Variants in CTNNA3 observed in about 807,000 individuals in gnomAD.
CTNNA3 encodes catenin alpha 3.
A neutral mutation model predicts 95.7 loss-of-function variants in CTNNA3; 76 were observed. The observed-to-expected ratio is 0.79, with a 90% CI of 0.66 to 0.96. The LOEUF is 0.96. Among genes scored for constraint, CTNNA3 ranks in the 40% least tolerant of loss-of-function variants. The probability of loss-of-function intolerance (pLI) is 0.00; values close to 1 mark genes in which losing one functional copy is unlikely to be tolerated. For synonymous variants in CTNNA3, 431 were observed against 374.4 expected, an observed-to-expected ratio of 1.15 and a Z score of -1.74; for missense variants, 1,191 against 1,089.8, an observed-to-expected ratio of 1.09 and a Z score of -1.31.
intron 7 of CTNNA3, among the ~76,000 whole-genome samples, chr10:66,953,044 AG>A (rs1848620317): frequency 6.6e-6 from 1 of 152,094 alleles, no homozygotes; most frequent in African/African-American, 2.4e-5. Context: ...AAGAAAACAG[AG>A]CCTACTGAGA....
intron 7 of CTNNA3, among the ~76,000 whole-genome samples, chr10:66,814,166 C>T (rs1236858298): frequency 1.3e-5 from 2 of 150,484 alleles, no homozygotes; most frequent in South Asian, 2.1e-4. Flanking sequence ...TATTGGGGCC[C>T]GGTATAGAAA....
At position 66,641,955 on chromosome 10, in the gene CTNNA3, G is replaced by T. The variant is rs191166537; in HGVS notation, c.1282-20171C>A. ...AATTATGAATACAACCATAAAAATG[G>T]CAATTCTAAGGTAAGGTTTGAGAAT... On this transcript the variant is annotated intron_variant, in intron 9 of 17. Coordinates refer to ENST00000433211, the MANE Select transcript of CTNNA3 (RefSeq NM_013266.4). 4.6e-5 allele frequency among the ~76,000 whole-genome samples: 7 copies of T among 152,182 alleles called. No individual in the cohort carries two copies. In the East Asian group the frequency reaches 1.2e-3, roughly 25 times the overall value.
intron 13 of CTNNA3, among the ~76,000 whole-genome samples, chr10:66,140,431 A>C (rs2083555374): frequency 6.6e-6 from 1 of 152,210 alleles, no homozygotes; most frequent in African/African-American, 2.4e-5. Flanking sequence ...AAAGTAGAGA[A>C]AAAATTTAGT....
intron 9 of CTNNA3, among the ~76,000 whole-genome samples, chr10:66,734,659 C>T (rs1319868996): frequency 2.6e-5 from 4 of 151,964 alleles, no homozygotes; most frequent in Admixed American, 6.6e-5. Context: ...GTCAGGAGTT[C>T]GAGACCAGCC....
chr10:66,412,519 G>A (rs1004088615), intron 11 of CTNNA3, among the ~76,000 whole-genome samples: 19 of 148,692 alleles, frequency 1.3e-4, no homozygotes, highest in Non-Finnish European at 2.5e-4. Flanking sequence ...GGAGTGCAGT[G>A]GCATGATCTC....
chr10:67,082,496 C>T (rs1292267278), intron 7 of CTNNA3, among the ~76,000 whole-genome samples: 1 of 152,138 alleles, frequency 6.6e-6, no homozygotes, highest in Non-Finnish European at 1.5e-5. Flanking sequence ...TACTTAAGGC[C>T]ATAATCTCTA....
At chr10:67,418,514 TAAA>T (rs71006149) in intron 5 of CTNNA3, among the ~76,000 whole-genome samples, 3 of 144,246 alleles carry the variant, frequency 2.1e-5, no homozygotes, top group Non-Finnish European at 4.5e-5. Context: ...TATTTCACTG[TAAA>T]AAAAAAAAAA....
intron 11 of CTNNA3, among the ~76,000 whole-genome samples, chr10:66,462,843 C>A (rs1183415698): frequency 6.6e-6 from 1 of 152,038 alleles, no homozygotes; most frequent in Non-Finnish European, 1.5e-5. Flanking sequence ...TTCACAGTAT[C>A]ATTATAAATT....
intron 5 of CTNNA3, among the ~76,000 whole-genome samples, chr10:67,426,352 TTC>T (rs750603566): frequency 2.0e-5 from 3 of 152,088 alleles, no homozygotes; most frequent in Non-Finnish European, 2.9e-5. Context: ...GGAAAACTAT[TTC>T]TGATTTCCAA....
intron 17 of CTNNA3, among the ~76,000 whole-genome samples, chr10:65,936,908 T>G (rs777829074): frequency 3.3e-5 from 5 of 151,982 alleles, no homozygotes; most frequent in African/African-American, 4.8e-5. Flanking sequence ...CACATACATA[T>G]ATTAAAAACA....
intron 7 of CTNNA3, among the ~76,000 whole-genome samples, chr10:67,069,947 G>A (rs1856344500): frequency 6.6e-6 from 1 of 152,056 alleles, no homozygotes; most frequent in Admixed American, 6.6e-5. Context: ...GAATTACTGG[G>A]TCATGGGATA....
chr10:67,100,204 C>T (rs1358847665), intron 7 of CTNNA3, among the ~76,000 whole-genome samples: 2 of 151,610 alleles, frequency 1.3e-5, no homozygotes, highest in African/African-American at 4.8e-5. Flanking sequence ...CACTTTCTTT[C>T]TTAAATATTT....
intron 14 of CTNNA3, among the ~76,000 whole-genome samples, chr10:66,082,033 G>A (rs1222721384): frequency 2.0e-5 from 3 of 152,090 alleles, no homozygotes; most frequent in South Asian, 2.1e-4. Flanking sequence ...CAGGAGAATC[G>A]CTTGAACCCG....
At chr10:67,199,811 T>C (rs1863558193) in intron 6 of CTNNA3, among the ~76,000 whole-genome samples, 2 of 152,286 alleles carry the variant, frequency 1.3e-5, no homozygotes, top group South Asian at 4.2e-4. Context: ...ATTTTTCAAG[T>C]AGATATTGAC....
chr10:66,024,001 T>C (rs562586768), intron 15 of CTNNA3, among the ~76,000 whole-genome samples: 3 of 152,246 alleles, frequency 2.0e-5, no homozygotes, highest in African/African-American at 7.2e-5. Flanking sequence ...TAGAGTCAGA[T>C]AGCTTCTTGT....
At chr10:67,489,146 A>T (rs1161428188) in intron 5 of CTNNA3, among the ~76,000 whole-genome samples, 2 of 152,182 alleles carry the variant, frequency 1.3e-5, no homozygotes, top group Non-Finnish European at 2.9e-5. Flanking sequence ...TAGAACAATT[A>T]TTTCTATATC....
At chr10:66,791,084 C>T (rs1247579224) in intron 7 of CTNNA3, among the ~76,000 whole-genome samples, 8 of 152,168 alleles carry the variant, frequency 5.3e-5, no homozygotes. Flanking sequence ...ACTCTACAGC[C>T]AGTGTGATCT....
intron 15 of CTNNA3, among the ~76,000 whole-genome samples, chr10:66,032,672 C>A (rs2079472274): frequency 6.6e-6 from 1 of 152,076 alleles, no homozygotes; most frequent in African/African-American, 2.4e-5. Context: ...ACCATGTTCT[C>A]ATTTCTAAGT....
At chr10:67,763,105 C>G (rs1841471153) in intron 1 of CTNNA3, among the ~76,000 whole-genome samples, 2 of 152,006 alleles carry the variant, frequency 1.3e-5, no homozygotes, top group Admixed American at 6.5e-5. Flanking sequence ...AATCTAAGGA[C>G]AAGATTTAAA....
Sources: allele counts gnomAD v4.1 joint callset (sites outside exome capture counted in the v4.1 genomes callset), GRCh38; gene constraint gnomAD v4.1.1; transcripts MANE v1.5; gene names NCBI Gene and HGNC (gene_info 2026-07-23, HGNC 2026-07-21).